Variants in PTPRE observed in about 807,000 individuals in gnomAD.
PTPRE encodes the protein receptor-type tyrosine-protein phosphatase epsilon.
A neutral mutation model predicts 102.0 loss-of-function variants in PTPRE; 51 were observed. The observed-to-expected ratio is 0.50, with a 90% CI of 0.40 to 0.63. The LOEUF is 0.63. Ranked by LOEUF, PTPRE falls within the 30% of genes least tolerant of loss-of-function variation. The probability of loss-of-function intolerance (pLI) is 0.00; values close to 1 mark genes in which losing one functional copy is unlikely to be tolerated. For missense variants in PTPRE, 752 were observed against 915.1 expected (o/e 0.82, Z 2.30); for synonymous variants, 345 against 348.2 (o/e 0.99, Z 0.10).
At chr10:127,976,933 G>A (rs896913170) in intron 1 of PTPRE, among the ~76,000 whole-genome samples, 11 of 152,204 alleles carry the variant, frequency 7.2e-5, no homozygotes, top group African/African-American at 1.2e-4. Flanking sequence ...GAAGTTGTCC[G>A]ATAGAATGCA....
intron 2 of PTPRE, among the ~76,000 whole-genome samples, chr10:127,994,348 C>T (rs889512619): frequency 6.6e-6 from 1 of 152,214 alleles, no homozygotes; most frequent in Non-Finnish European, 1.5e-5. Flanking sequence ...ACCTATCCAA[C>T]TTCCAGCCCC....
intron 2 of PTPRE, among the ~76,000 whole-genome samples, chr10:128,002,612 C>T (rs1331171232): frequency 6.9e-6 from 1 of 144,854 alleles, no homozygotes; most frequent in Non-Finnish European, 1.5e-5. Flanking sequence ...GCAGCCATGT[C>T]TGAATGGCTG....
intron 2 of PTPRE, among the ~76,000 whole-genome samples, chr10:128,018,031 G>A (rs994530731): frequency 1.1e-4 from 17 of 152,282 alleles, no homozygotes; most frequent in African/African-American, 3.1e-4. Context: ...GCACAAACTC[G>A]CTGGGCTTCT....
chr10:127,971,369 T>C (rs1229489893), intron 1 of PTPRE, among the ~76,000 whole-genome samples: 2 of 152,154 alleles, frequency 1.3e-5, no homozygotes, highest in African/African-American at 4.8e-5. Flanking sequence ...GGCACCCCCC[T>C]GGAGGGCGTC....
intron 2 of PTPRE, among the ~76,000 whole-genome samples, chr10:127,995,823 GCACACACACACACACACACA>G (rs143328396): frequency 6.7e-6 from 1 of 148,216 alleles, no homozygotes. Context: ...CTCTACACGA[GCACACACACACACACACACA>G]CACACACACA....
At position 127,983,091 on chromosome 10, in the gene PTPRE, G is replaced by A. The variant is rs188987607; in HGVS notation, c.-8+795G>A. On this transcript the variant is annotated intron_variant, in intron 2 of 20. Transcript: ENST00000254667. ...GCCTTGTTTGAAAGGCACTGACTCCGTTCTGAAATCATTTTCAGGTCAATG... is the reference window on the plus strand; with the variant it reads ...GCCTTGTTTGAAAGGCACTGACTCCATTCTGAAATCATTTTCAGGTCAATG... 1.2e-4 allele frequency among the ~76,000 whole-genome samples: 18 copies of A among 152,270 alleles called. No homozygotes were observed. In the East Asian group the frequency reaches 2.1e-3, roughly 18 times the overall value.
intron 3 of PTPRE, among the ~76,000 whole-genome samples, chr10:128,045,106 G>C (rs1590120918): frequency 6.6e-6 from 1 of 152,212 alleles, no homozygotes; most frequent in Non-Finnish European, 1.5e-5. Context: ...AGGCCATTGG[G>C]TTTCTGATCC....
intron 2 of PTPRE, among the ~76,000 whole-genome samples, chr10:128,036,759 G>T (rs557273694): frequency 3.3e-5 from 5 of 152,218 alleles, no homozygotes; most frequent in Non-Finnish European, 7.4e-5. Flanking sequence ...CCTCCGGCTT[G>T]GTCTTTCTTA....
chr10:127,914,349 A>T (rs1336838434), intron 1 of PTPRE, among the ~76,000 whole-genome samples: 1 of 152,240 alleles, frequency 6.6e-6, no homozygotes, highest in Non-Finnish European at 1.5e-5. Flanking sequence ...ACAGACTGAC[A>T]CACACAGCAC....
In PTPRE at chr10:127,944,466, AGACG is replaced by A. The variant is rs57640027; in HGVS notation, c.-31+37160_-31+37163del. On this transcript the variant is annotated intron_variant, in intron 1 of 20. Transcript: ENST00000254667. This position sits in a 1 kb window ranked among gnomAD's most constrained non-coding sequence, Gnocchi z 4.2. ...TGGACAGATGGATGGATACATGGAC[AGACG>A]GATGGATGGATGGATGGATGGATGG... Among the ~76,000 whole-genome samples the A allele has an allele frequency of 1.4e-5, 1 of 73,932 alleles. No individual in the cohort carries two copies. 48.5% of individuals were successfully genotyped at this position (73,932 alleles called of 152,430 possible).
intron 2 of PTPRE, among the ~76,000 whole-genome samples, chr10:128,022,790 C>A (rs1471302014): frequency 4.6e-5 from 7 of 152,210 alleles, no homozygotes; most frequent in Admixed American, 4.6e-4. Flanking sequence ...GCGCTGGAGG[C>A]AGGTGTGATG....
intron 1 of PTPRE, among the ~76,000 whole-genome samples, chr10:127,916,382 C>T (rs1466637244): frequency 6.6e-5 from 10 of 152,182 alleles, no homozygotes; most frequent in Admixed American, 5.9e-4. Flanking sequence ...TCCTTCCTGT[C>T]GCCTTGTGAA....
At chr10:128,048,716 G>C (rs894940201) in intron 5 of PTPRE, among the ~76,000 whole-genome samples, 1 of 152,140 alleles carries the variant, frequency 6.6e-6, no homozygotes, top group East Asian at 1.9e-4. Context: ...AGGAGGGTGC[G>C]GCTAGTGAGT....
chr10:128,038,150 C>G (rs1013259310), intron 2 of PTPRE, among the ~76,000 whole-genome samples: 1 of 152,092 alleles, frequency 6.6e-6, no homozygotes, highest in Non-Finnish European at 1.5e-5. Flanking sequence ...CAATTCATGT[C>G]TGTGCTCACC....
rs1456547624 is a variant in PTPRE, at chr10:128,066,293, C to T, written c.843+99C>T. On this transcript the variant is annotated intron_variant, in intron 11 of 20. Coordinates refer to ENST00000254667, the MANE Select transcript of PTPRE (RefSeq NM_006504.6). ...CTGCATTTATGAAGTGCTTTGCTCC[C>T]AGCCCGGCACTGTCGCAGCCCTGGC... 3 of 1,535,642 alleles carry T rather than the reference C, an allele frequency of 2.0e-6. No homozygotes were observed. In the African/African-American group the frequency reaches 4.1e-5, roughly 21 times the overall value.
At chr10:128,037,155 C>CT (rs1221127445) in intron 2 of PTPRE, among the ~76,000 whole-genome samples, 5 of 152,160 alleles carry the variant, frequency 3.3e-5, no homozygotes, top group African/African-American at 1.2e-4. Flanking sequence ...AAAATGAGCC[C>CT]TTAGGGCCAA....
chr10:128,070,630 C>T lies in PTPRE; in HGVS notation c.1294-178C>T, dbSNP rs1317567627. Among the ~76,000 whole-genome samples, 1 of 152,218 alleles carries T rather than the reference C, an allele frequency of 6.6e-6. No individual in the cohort carries two copies. The highest frequency in any genetic ancestry group is 2.4e-5 in the African/African-American group (1 of 41,456). ...AAGAAGGATCAGGTGGCTTTCAGAGCCTCATAGCAGCCCTACTAGGCACAC... is the reference window on the plus strand; with the variant it reads ...AAGAAGGATCAGGTGGCTTTCAGAGTCTCATAGCAGCCCTACTAGGCACAC... On this transcript the variant is annotated intron_variant, in intron 14 of 20. Coordinates refer to ENST00000254667, the MANE Select transcript of PTPRE (RefSeq NM_006504.6). The surrounding 1 kb of genome is among the most constrained non-coding windows in gnomAD (Gnocchi z 4.8).
At chr10:128,071,193 C>T (rs570019140) in intron 15 of PTPRE, 46 of 448,550 alleles carry the variant, frequency 1.0e-4, no homozygotes, top group Non-Finnish European at 1.8e-4. Flanking sequence ...GAGGGCTTCA[C>T]AGAAGCTGGA....
chr10:127,980,649 A>T (rs1851537941), intron 1 of PTPRE, among the ~76,000 whole-genome samples: 1 of 152,222 alleles, frequency 6.6e-6, no homozygotes, highest in African/African-American at 2.4e-5. Context: ...GCCCAAATAG[A>T]CTTAAAATTC....
Sources: allele counts gnomAD v4.1 joint callset (sites outside exome capture counted in the v4.1 genomes callset), GRCh38; gene constraint gnomAD v4.1.1; non-coding constraint Gnocchi (gnomAD v3.1); transcripts MANE v1.5; gene names NCBI Gene and HGNC (gene_info 2026-07-23, HGNC 2026-07-21).